The following STAG1 variants were observed in gnomAD, a reference collection of about 807,000 sequenced individuals.
STAG1 encodes STAG1 cohesin complex component, also known as cohesin subunit SA-1.
STAG1 carries 26 observed loss-of-function variants against 170.9 expected under a neutral mutation model. The observed-to-expected ratio is 0.15, with a 90% CI of 0.11 to 0.21. STAG1 has a LOEUF of 0.21. Among genes scored for constraint, STAG1 ranks in the 10% least tolerant of loss-of-function variants. The pLI is 1.00. For missense variants in STAG1, 964 were observed against 1,509.5 expected (o/e 0.64, Z 5.99); for synonymous variants, 514 against 497.7 (o/e 1.03, Z -0.44).
At chr3:136,370,851 T>C (rs1449586367) in intron 23 of STAG1, among the ~76,000 whole-genome samples, 4 of 152,244 alleles carry the variant, frequency 2.6e-5, no homozygotes. Context: ...AGCAGCATGA[T>C]TTATAATCCT....
intron 16 of STAG1, among the ~76,000 whole-genome samples, chr3:136,426,457 T>C (rs1249798337): frequency 6.6e-6 from 1 of 152,138 alleles, no homozygotes; most frequent in African/African-American, 2.4e-5. Context: ...CCATGTAGCC[T>C]AGAAATATTG....
At chr3:136,473,776 T>C in intron 10 of STAG1, 139 bp from the exon 11 acceptor site, 1 of 636,296 alleles carries the variant, frequency 1.6e-6, no homozygotes, top group Non-Finnish European at 2.7e-6. Context: ...GACTGAACAA[T>C]TGTATAGTGT....
intron 23 of STAG1, among the ~76,000 whole-genome samples, chr3:136,374,271 C>T (rs1937499318): frequency 6.6e-6 from 1 of 151,742 alleles, no homozygotes; most frequent in Admixed American, 6.6e-5. Context: ...ATACAGCACA[C>T]TGTATTTATT....
At chr3:136,394,015 C>T (rs1238294149) in intron 22 of STAG1, among the ~76,000 whole-genome samples, 1 of 152,208 alleles carries the variant, frequency 6.6e-6, no homozygotes, top group Non-Finnish European at 1.5e-5. Context: ...GATTCTCCTG[C>T]CTCAGCCTTC....
chr3:136,543,559 A>G (rs988510665), intron 5 of STAG1, among the ~76,000 whole-genome samples: 1 of 152,094 alleles, frequency 6.6e-6, no homozygotes, highest in African/African-American at 2.4e-5. Context: ...GCCTCAGGAA[A>G]TAAGTCATCC....
chr3:136,463,740 T>TGC (rs1559817228), intron 13 of STAG1, among the ~76,000 whole-genome samples: 1 of 101,608 alleles, frequency 9.8e-6, no homozygotes, highest in South Asian at 2.9e-4. Flanking sequence ...TGTATATGTG[T>TGC]GTGTGTGTGT....
chr3:136,680,467 T>C (rs187979514), intron 1 of STAG1, among the ~76,000 whole-genome samples: 59 of 152,158 alleles, frequency 3.9e-4, no homozygotes, highest in African/African-American at 1.4e-3. Context: ...TTTTTAGTAA[T>C]ACAGTAAAAT....
chr3:136,464,197 G>A (rs2089378824), intron 13 of STAG1, among the ~76,000 whole-genome samples: 1 of 151,982 alleles, frequency 6.6e-6, no homozygotes, highest in Non-Finnish European at 1.5e-5. Context: ...GCTGAGGCGG[G>A]CGGATTACCT....
At chr3:136,715,517 G>C (rs917737345) in intron 1 of STAG1, among the ~76,000 whole-genome samples, 2 of 152,040 alleles carry the variant, frequency 1.3e-5, no homozygotes, top group African/African-American at 4.8e-5. Flanking sequence ...CTACTTAGGA[G>C]GCTGAGGCAG....
chr3:136,476,824 G>C (rs1359605070), intron 10 of STAG1, among the ~76,000 whole-genome samples: 1 of 151,994 alleles, frequency 6.6e-6, no homozygotes, highest in Non-Finnish European at 1.5e-5. Flanking sequence ...ACTTATATGA[G>C]GGATTCCTTT....
intron 5 of STAG1, among the ~76,000 whole-genome samples, chr3:136,556,337 C>A (rs1488762016): frequency 6.6e-6 from 1 of 152,002 alleles, no homozygotes; most frequent in African/African-American, 2.4e-5. Flanking sequence ...TAAATTCATC[C>A]CCACTGATAT....
At chr3:136,465,394 T>C (rs886564508) in intron 12 of STAG1, among the ~76,000 whole-genome samples, 3 of 151,544 alleles carry the variant, frequency 2.0e-5, no homozygotes, top group Non-Finnish European at 4.4e-5. Context: ...TAATTTTTTG[T>C]ATTTTTAGTA....
At chr3:136,499,743 G>C (rs1933365629) in intron 9 of STAG1, 1 of 151,946 alleles carries the variant, frequency 6.6e-6, no homozygotes, top group South Asian at 2.1e-4. Context: ...TTATCTGAAA[G>C]GAAACAAGAA....
chr3:136,651,189 C>A (rs1313006445), intron 1 of STAG1, among the ~76,000 whole-genome samples: 1 of 151,796 alleles, frequency 6.6e-6, no homozygotes, highest in African/African-American at 2.4e-5. Flanking sequence ...ACGCAGTGAG[C>A]TCTCGTCTCT....
At chr3:136,524,445 T>C (rs1354335852) in intron 6 of STAG1, among the ~76,000 whole-genome samples, 4 of 152,218 alleles carry the variant, frequency 2.6e-5, no homozygotes, top group Non-Finnish European at 5.9e-5. Flanking sequence ...ACATTGATTT[T>C]GTATCCTGAG....
At chr3:136,443,504 T>C (rs2088690553) in intron 14 of STAG1, 100 bp from the exon 15 acceptor site, 1 of 834,190 alleles carries the variant, frequency 1.2e-6, no homozygotes, top group East Asian at 2.6e-5. Context: ...TTAAAATGGC[T>C]TGGTTTCCAT....
chr3:136,565,956 A>G (rs912470203), intron 5 of STAG1, among the ~76,000 whole-genome samples: 6 of 152,226 alleles, frequency 3.9e-5, no homozygotes, highest in African/African-American at 9.6e-5. Flanking sequence ...TTCCTTTTAT[A>G]TAAGATGACC....
At chr3:136,534,239 C>A (rs537307206) in intron 6 of STAG1, among the ~76,000 whole-genome samples, 1 of 152,088 alleles carries the variant, frequency 6.6e-6, no homozygotes, top group African/African-American at 2.4e-5. Context: ...CTATCTCTCA[C>A]GTTATATAAA....
intron 1 of STAG1, among the ~76,000 whole-genome samples, chr3:136,699,939 A>G (rs1403408251): frequency 5.3e-5 from 8 of 152,056 alleles, no homozygotes; most frequent in Non-Finnish European, 1.2e-4. Context: ...GAGGAAATAC[A>G]AAGAACCCTC....
Sources: allele counts gnomAD v4.1 joint callset (sites outside exome capture counted in the v4.1 genomes callset), GRCh38; gene constraint gnomAD v4.1.1; transcripts MANE v1.5; gene names NCBI Gene and HGNC (gene_info 2026-07-23, HGNC 2026-07-21).